Variants in KANK1 observed in about 807,000 individuals in gnomAD.
The protein encoded by KANK1 is KN motif and ankyrin repeat domains 1.
A neutral mutation model predicts 106.2 loss-of-function variants in KANK1; 109 were observed. That is an observed-to-expected ratio of 1.03 (90% confidence interval 0.88 to 1.20). The LOEUF (loss-of-function observed/expected upper bound fraction) is 1.20, where lower values mean the gene tolerates loss of function less well. Ranked by LOEUF, KANK1 falls within the 50% of genes most tolerant of loss-of-function variation. KANK1 has a pLI of 0.00. For missense variants in KANK1, 2,399 were observed against 1,710.7 expected (o/e 1.40, Z -7.10); for synonymous variants, 873 against 652.2 (o/e 1.34, Z -5.16).
At chr9:664,468 T>G (rs149709156) in intron 1 of KANK1, among the ~76,000 whole-genome samples, 93 of 152,320 alleles carry the variant, frequency 6.1e-4, no homozygotes, top group African/African-American at 2.2e-3. Flanking sequence ...TAAATATTTA[T>G]TATTATTTTG....
intron 9 of KANK1, among the ~76,000 whole-genome samples, chr9:741,598 C>T (rs1432203824): frequency 6.6e-6 from 1 of 151,848 alleles, no homozygotes; most frequent in Non-Finnish European, 1.5e-5. Flanking sequence ...CACCATTCTC[C>T]TGCCTCAGCC....
chr9:710,974 T>C lies in KANK1; in HGVS notation c.208T>C (p.Ser70Pro), dbSNP rs1470266738. 2 of 1,614,138 alleles carry C rather than the reference T, an allele frequency of 1.2e-6. No homozygotes were observed. Among genetic ancestry groups the C allele is most frequent in the Middle Eastern group, 1.6e-4 (1 of 6,062 alleles). ...RLNIQKRRKP[S>P]VPCPEPRTTS... is the part of the protein sequence containing the mutation. Reference sequence around the variant, plus strand: ...GAACATCCAGAAGAGGCGGAAGCCGTCCGTGCCATGCCCAGAACCCAGGAC... The same window carrying C: ...GAACATCCAGAAGAGGCGGAAGCCGCCCGTGCCATGCCCAGAACCCAGGAC... The change falls in exon 3 of 12, where the codon TCC (serine) becomes CCC (proline). Residue 70 changes from serine to proline, a missense_variant. Coordinates refer to ENST00000382297, the MANE Select transcript of KANK1 (RefSeq NM_015158.5).
chr9:609,309 A>G (rs1343673203), intron 1 of KANK1, among the ~76,000 whole-genome samples: 1 of 152,188 alleles, frequency 6.6e-6, no homozygotes, highest in Non-Finnish European at 1.5e-5. Context: ...CTTAAACTTT[A>G]TTGCTAGCTA....
intron 1 of KANK1, among the ~76,000 whole-genome samples, chr9:581,063 C>T (rs12378779): frequency 8.6e-5 from 13 of 151,848 alleles, no homozygotes; most frequent in East Asian, 3.9e-4. Context: ...GTGTGGGGCC[C>T]GCCGAGCCCA....
intron 3 of KANK1, among the ~76,000 whole-genome samples, chr9:713,686 C>T (rs569973381): frequency 6.6e-6 from 1 of 152,124 alleles, no homozygotes; most frequent in African/African-American, 2.4e-5. Flanking sequence ...TGAGGACTAA[C>T]GCTGGAAGAA....
intron 2 of KANK1, among the ~76,000 whole-genome samples, chr9:678,063 T>C (rs1257426038): frequency 6.6e-6 from 1 of 152,192 alleles, no homozygotes; most frequent in Non-Finnish European, 1.5e-5. Context: ...AATGTGACTT[T>C]TTATTCTAGC....
intron 1 of KANK1, among the ~76,000 whole-genome samples, chr9:631,643 C>G (rs1035035421): frequency 6.6e-6 from 1 of 152,338 alleles, no homozygotes; most frequent in African/African-American, 2.4e-5. Context: ...CTTCTGAGCT[C>G]AGGTGTCTTT....
chr9:635,183 A>G (rs1415632205), intron 1 of KANK1, among the ~76,000 whole-genome samples: 3 of 152,072 alleles, frequency 2.0e-5, no homozygotes, highest in African/African-American at 4.8e-5. Context: ...TCCCTCTTCC[A>G]TCCTGACCTC....
intron 1 of KANK1, among the ~76,000 whole-genome samples, chr9:514,162 T>TC (rs1491180719): frequency 0.018 from 505 of 28,252 alleles, 5 homozygotes; most frequent in South Asian, 0.026. Context: ...CTCCCTCCCT[T>TC]CCTCTCTCCC....
At chr9:683,920 A>G (rs1356534562) in intron 2 of KANK1, among the ~76,000 whole-genome samples, 1 of 152,156 alleles carries the variant, frequency 6.6e-6, no homozygotes, top group Non-Finnish European at 1.5e-5. Context: ...TAATTTTCTT[A>G]TAGTGGTGGT....
chr9:624,999 T>A (rs894646787), intron 1 of KANK1, among the ~76,000 whole-genome samples: 3 of 150,416 alleles, frequency 2.0e-5, no homozygotes, highest in African/African-American at 7.4e-5. Context: ...AATTTCTAAA[T>A]TATGAAATGG....
chr9:542,913 C>T (rs117827555), intron 1 of KANK1, among the ~76,000 whole-genome samples: 110 of 152,066 alleles, frequency 7.2e-4, no homozygotes, highest in Non-Finnish European at 1.1e-3. Context: ...CTTGGGAGGG[C>T]GTTGGTTAAA....
intron 1 of KANK1, among the ~76,000 whole-genome samples, chr9:606,274 G>A (rs1829120157): frequency 6.7e-6 from 1 of 149,584 alleles, no homozygotes; most frequent in African/African-American, 2.5e-5. Context: ...AGGGCTGGGG[G>A]TGGTGGGGGC....
intron 2 of KANK1, chr9:707,291 A>G: frequency 5.3e-6 from 5 of 942,856 alleles, no homozygotes; most frequent in Non-Finnish European, 6.3e-6. Flanking sequence ...CGCTGGCCGA[A>G]TTCCGGGGGG....
chr9:606,689 T>G (rs1037789854), intron 1 of KANK1, among the ~76,000 whole-genome samples: 4 of 151,280 alleles, frequency 2.6e-5, no homozygotes, highest in African/African-American at 9.8e-5. Context: ...TGTCAGTGCT[T>G]TCTTATGACA....
At chr9:680,803 C>G (rs1408622446) in intron 2 of KANK1, 1 of 152,276 alleles carries the variant, frequency 6.6e-6, no homozygotes, top group Non-Finnish European at 1.5e-5. Context: ...AGATTGCACC[C>G]CTGCCCTTCC....
chr9:559,745 C>T (rs936590967), intron 1 of KANK1, among the ~76,000 whole-genome samples: 1 of 152,092 alleles, frequency 6.6e-6, no homozygotes, highest in African/African-American at 2.4e-5. Context: ...CTAAATGTGA[C>T]CCAGAAGGCT....
intron 1 of KANK1, among the ~76,000 whole-genome samples, chr9:524,967 C>G (rs1011979430): frequency 2.7e-5 from 4 of 146,760 alleles, no homozygotes; most frequent in African/African-American, 7.8e-5. Flanking sequence ...TTAGTCAATC[C>G]CAAACTCTTG....
At chr9:570,945 C>A (rs567629840) in intron 1 of KANK1, among the ~76,000 whole-genome samples, 2 of 152,086 alleles carry the variant, frequency 1.3e-5, no homozygotes, top group Non-Finnish European at 2.9e-5. Context: ...TTTTTTTGAA[C>A]ATCATTTTCT....
Sources: gnomAD v4.1 joint callset for allele counts (sites outside exome capture counted in the v4.1 genomes callset) on GRCh38, gnomAD v4.1.1 for gene constraint, MANE v1.5 for transcripts, NCBI Gene and HGNC (gene_info 2026-07-23, HGNC 2026-07-21) for gene names.